Variants in CHCHD3 observed in about 807,000 individuals in gnomAD.
The protein encoded by CHCHD3 is coiled-coil-helix-coiled-coil-helix domain containing 3.
CHCHD3 carries 20 observed loss-of-function variants against 38.2 expected under a neutral mutation model. The observed-to-expected ratio is 0.52, with a 90% CI of 0.37 to 0.76. The LOEUF (loss-of-function observed/expected upper bound fraction) is 0.76, where lower values mean the gene tolerates loss of function less well. Among genes scored for constraint, CHCHD3 ranks in the 30% least tolerant of loss-of-function variants. The pLI is 0.00. For missense variants in CHCHD3, 245 were observed against 279.2 expected (o/e 0.88, Z 0.87); for synonymous variants, 82 against 100.0 (o/e 0.82, Z 1.07).
intron 2 of CHCHD3, among the ~76,000 whole-genome samples, chr7:133,067,457 C>T (rs916761812): frequency 3.3e-5 from 5 of 152,134 alleles, no homozygotes; most frequent in African/African-American, 4.8e-5. Context: ...AAGTTACAAA[C>T]CATTTGCTCC....
intron 5 of CHCHD3, among the ~76,000 whole-genome samples, chr7:132,840,101 C>T (rs1450475070): frequency 6.6e-6 from 1 of 152,168 alleles, no homozygotes; most frequent in Admixed American, 6.5e-5. Flanking sequence ...CTCTGTAGGT[C>T]TCAAGCTATC....
chr7:132,917,533 G>C (rs1810137607), intron 4 of CHCHD3, among the ~76,000 whole-genome samples: 1 of 152,010 alleles, frequency 6.6e-6, no homozygotes, highest in South Asian at 2.1e-4. Flanking sequence ...TTGAACCTTA[G>C]TTTCTTCACC....
intron 4 of CHCHD3, among the ~76,000 whole-genome samples, chr7:132,904,515 G>T (rs1252942626): frequency 6.6e-6 from 1 of 152,176 alleles, no homozygotes; most frequent in Non-Finnish European, 1.5e-5. Flanking sequence ...AGTCATCAGA[G>T]AAATGCAAAT....
At position 133,064,217 on chromosome 7, in the gene CHCHD3, C is replaced by T. The variant is rs188836329; in HGVS notation, c.169+5925G>A. On this transcript the variant is annotated intron_variant, in intron 2 of 7. Transcript: ENST00000262570. ...TGCTAACACTTGTTGACTGATGGAA[C>T]CAACCATGAGTTCTTCAACCCTAGA... is the stretch of plus-strand genomic sequence containing the variant. Among the ~76,000 whole-genome samples, 107 of 152,334 alleles carry T rather than the reference C, an allele frequency of 7.0e-4. 1 individual carries two copies. The Middle Eastern group carries it at 0.024, about 34-fold the overall frequency.
At chr7:133,032,614 G>A (rs1584658676) in intron 2 of CHCHD3, among the ~76,000 whole-genome samples, 1 of 152,078 alleles carries the variant, frequency 6.6e-6, no homozygotes, top group East Asian at 1.9e-4. Context: ...TTCCATGTAG[G>A]AAAGAAAACA....
At chr7:132,985,154 T>G (rs1209000476) in intron 3 of CHCHD3, among the ~76,000 whole-genome samples, 1 of 49,400 alleles carries the variant, frequency 2.0e-5, no homozygotes, top group Admixed American at 2.2e-4. Context: ...TACTGGGAAG[T>G]GAGGAGTCCC....
At chr7:133,044,012 G>A (rs951950668) in intron 2 of CHCHD3, among the ~76,000 whole-genome samples, 3 of 152,166 alleles carry the variant, frequency 2.0e-5, no homozygotes, top group Non-Finnish European at 2.9e-5. Flanking sequence ...TTCAGCATCA[G>A]TGTCCCGTAT....
intron 2 of CHCHD3, among the ~76,000 whole-genome samples, chr7:133,066,875 T>G (rs1000360302): frequency 1.3e-5 from 2 of 152,194 alleles, no homozygotes; most frequent in Admixed American, 1.3e-4. Flanking sequence ...CTTTCCTTAG[T>G]TCAAGCAGAA....
At chr7:132,936,461 G>A (rs555652990) in intron 4 of CHCHD3, among the ~76,000 whole-genome samples, 1 of 152,308 alleles carries the variant, frequency 6.6e-6, no homozygotes, top group Non-Finnish European at 1.5e-5. Context: ...AGCAAGGTCA[G>A]GGAGCAGAGG....
At chr7:132,878,238 C>G (rs1224180531) in intron 5 of CHCHD3, among the ~76,000 whole-genome samples, 3 of 152,182 alleles carry the variant, frequency 2.0e-5, no homozygotes, top group African/African-American at 7.2e-5. Flanking sequence ...AAGAAGCACT[C>G]TGGGCTGACA....
At position 132,989,385 on chromosome 7, in the gene CHCHD3, C is replaced by T. The variant is rs571007066; in HGVS notation, c.252-14099G>A. Among the ~76,000 whole-genome samples, 8 of 146,232 alleles carry T rather than the reference C, an allele frequency of 5.5e-5. No homozygotes were observed. The East Asian group carries it at 1.6e-3, about 29-fold the overall frequency. On this transcript the variant is annotated intron_variant, in intron 3 of 7. Transcript: ENST00000262570. ...ATCTGGAAATATGCCTGCATAGCTT[C>T]AAAATGATGCAAGAGAAAAAAAAAA... is the stretch of plus-strand genomic sequence containing the variant.
At chr7:132,977,748 A>G (rs897687663) in intron 3 of CHCHD3, among the ~76,000 whole-genome samples, 5 of 152,294 alleles carry the variant, frequency 3.3e-5, no homozygotes, top group African/African-American at 1.2e-4. Context: ...GGTGTATCTA[A>G]TTTTAAAGTA....
intron 4 of CHCHD3, among the ~76,000 whole-genome samples, chr7:132,922,641 G>A (rs767772141): frequency 7.9e-5 from 12 of 151,898 alleles, no homozygotes; most frequent in African/African-American, 9.7e-5. Flanking sequence ...TTTGAAAGGC[G>A]TAAGTCATAT....
At chr7:133,016,484 G>A (rs1448976245) in intron 3 of CHCHD3, among the ~76,000 whole-genome samples, 1 of 152,172 alleles carries the variant, frequency 6.6e-6, no homozygotes, top group Non-Finnish European at 1.5e-5. Flanking sequence ...AAAAGAATGT[G>A]GTTCTCTCAC....
chr7:133,023,069 C>T (rs1222842571), intron 3 of CHCHD3, among the ~76,000 whole-genome samples: 2 of 151,786 alleles, frequency 1.3e-5, no homozygotes, highest in Non-Finnish European at 2.9e-5. Context: ...TATTGATTCT[C>T]TTTTTTTAAA....
chr7:132,854,482 T>C (rs540959300), intron 5 of CHCHD3, among the ~76,000 whole-genome samples: 2 of 152,202 alleles, frequency 1.3e-5, no homozygotes, highest in East Asian at 3.9e-4. Context: ...AACTCTCCTC[T>C]AGAACAAAAA....
intron 4 of CHCHD3, among the ~76,000 whole-genome samples, chr7:132,922,371 G>A (rs768764990): frequency 5.3e-5 from 8 of 152,100 alleles, no homozygotes; most frequent in Non-Finnish European, 1.0e-4. Flanking sequence ...TAATCCCTGT[G>A]CTCATTAATC....
chr7:132,854,546 G>A (rs559378920), intron 5 of CHCHD3, among the ~76,000 whole-genome samples: 1 of 152,124 alleles, frequency 6.6e-6, no homozygotes, highest in African/African-American at 2.4e-5. Flanking sequence ...GCAACCACAA[G>A]GTCAATACAG....
intron 2 of CHCHD3, among the ~76,000 whole-genome samples, chr7:133,066,623 A>C (rs918302943): frequency 2.0e-5 from 3 of 152,148 alleles, no homozygotes; most frequent in Admixed American, 2.0e-4. Flanking sequence ...CAAAGAGTTC[A>C]TCAGTCATTT....
Sources: gnomAD v4.1 joint callset for allele counts (sites outside exome capture counted in the v4.1 genomes callset) on GRCh38, gnomAD v4.1.1 for gene constraint, MANE v1.5 for transcripts, NCBI Gene and HGNC (gene_info 2026-07-23, HGNC 2026-07-21) for gene names.